The following HEATR5A variants were observed in gnomAD, a reference collection of about 807,000 sequenced individuals.
HEATR5A encodes the protein HEAT repeat containing 5A, also known as HEAT repeat-containing protein 5A.
Under a neutral mutation model 218.8 loss-of-function variants are expected in HEATR5A, and 178 were observed. The ratio of observed to expected loss-of-function variants is 0.81; its 90% confidence interval spans 0.72 to 0.92. The LOEUF is 0.92. Among genes scored for constraint, HEATR5A ranks in the 40% least tolerant of loss-of-function variants. The pLI, the probability that HEATR5A is intolerant of heterozygous loss-of-function variation, is 0.00. For synonymous variants in HEATR5A, 864 were observed against 871.6 expected (o/e 0.99, Z 0.15); for missense variants, 2,420 against 2,418.9 (o/e 1.00, Z -0.01).
intron 21 of HEATR5A, chr14:31,340,318 C>T (rs1900799656): frequency 2.4e-6 from 1 of 422,828 alleles, no homozygotes; most frequent in Non-Finnish European, 4.3e-6. Context: ...GCTACACATA[C>T]TGGACTTAGC....
Position 31,367,460 on chromosome 14 carries a change from C to T in HEATR5A, c.1962-3162G>A, listed in dbSNP as rs564194890. On this transcript the variant is annotated intron_variant, in intron 13 of 35. Coordinates refer to ENST00000543095, the MANE Select transcript of HEATR5A (RefSeq NM_015473.4). ...TGTTACCCAGGCTGGAGTGCAGTGG[C>T]GTGATCTTGACTCACTATGACCTCT... Among the ~76,000 whole-genome samples the T allele has an allele frequency of 1.5e-4, 22 of 151,010 alleles. No individual in the cohort carries two copies. The South Asian group carries it at 2.7e-3, about 19-fold the overall frequency.
intron 10 of HEATR5A, among the ~76,000 whole-genome samples, chr14:31,383,213 A>G (rs1463846728): frequency 1.3e-5 from 2 of 152,320 alleles, no homozygotes; most frequent in East Asian, 3.9e-4. Flanking sequence ...CTTTCTACTT[A>G]TATTGAAAAC....
rs532449287 is a variant in HEATR5A at position 31,339,702 on chromosome 14, T to C, written c.3229-2088A>G. Among the ~76,000 whole-genome samples the C allele has an allele frequency of 5.9e-5, 9 of 152,188 alleles. No individual in the cohort carries two copies. The South Asian group carries it at 1.7e-3, about 28-fold the overall frequency. Reference sequence around the variant, plus strand: ...GCTGTATTATGAACCCAAAAGTGGATAGAAAGGAATGCCATTCATAAAAAA... The same window carrying C: ...GCTGTATTATGAACCCAAAAGTGGACAGAAAGGAATGCCATTCATAAAAAA... On this transcript the variant is annotated intron_variant, in intron 21 of 35. Coordinates refer to ENST00000543095, the MANE Select transcript of HEATR5A (RefSeq NM_015473.4).
rs1900925728 is a variant in HEATR5A at position 31,343,888 on chromosome 14, A to G, written c.3228+8T>C. 1.9e-6 allele frequency: 3 copies of G among 1,574,696 alleles called. No homozygotes were observed. Among genetic ancestry groups the G allele is most frequent in the Non-Finnish European group, 2.6e-6 (3 of 1,165,010 alleles). ...AAACTAAGAGCTCGTTTACAATTCTATACTCACACAGAGGCAGCTAACCAG... is the reference window on the plus strand; with the variant it reads ...AAACTAAGAGCTCGTTTACAATTCTGTACTCACACAGAGGCAGCTAACCAG... On this transcript the variant is annotated splice_region_variant and intron_variant, in intron 21 of 35. Coordinates refer to ENST00000543095, the MANE Select transcript of HEATR5A (RefSeq NM_015473.4).
At position 31,302,224 on chromosome 14, in the gene HEATR5A, T is replaced by A. The variant is rs1370573782; in HGVS notation, c.5464+71A>T. On this transcript the variant is annotated intron_variant, in intron 33 of 35. Coordinates refer to ENST00000543095, the MANE Select transcript of HEATR5A (RefSeq NM_015473.4). ...TGGCCAAATATGATCAAGTAAAATATCTTATCCTCAAAAAACTCTTCTTCT... is the reference window on the plus strand; with the variant it reads ...TGGCCAAATATGATCAAGTAAAATAACTTATCCTCAAAAAACTCTTCTTCT... 3.7e-6 allele frequency: 4 copies of A among 1,087,740 alleles called. No individual in the cohort carries two copies. The East Asian group carries it at 1.0e-4, about 28-fold the overall frequency. 67.4% of individuals were successfully genotyped at this position (1,087,740 alleles called of 1,614,324 possible). A position where few individuals can be genotyped will look rare whatever the true frequency, so the allele number is the denominator to read the frequency against.
At chr14:31,398,809 G>A in intron 3 of HEATR5A, 28 bp from the exon 4 acceptor site, 2 of 1,269,894 alleles carry the variant, frequency 1.6e-6, no homozygotes, top group Non-Finnish European at 2.2e-6. Context: ...TTAGAAATTA[G>A]TCACAGCTGA....
chr14:31,329,848 G>A (rs1269212423), intron 22 of HEATR5A, among the ~76,000 whole-genome samples: 2 of 152,182 alleles, frequency 1.3e-5, no homozygotes, highest in Non-Finnish European at 2.9e-5. Context: ...GAGTAGCTGG[G>A]ATTACAGGCA....
At chr14:31,297,296 A>C (rs1046803092) in intron 33 of HEATR5A, 6 of 147,424 alleles carry the variant, frequency 4.1e-5, no homozygotes, top group African/African-American at 1.6e-4. Flanking sequence ...AATAAAAACA[A>C]AACAAAACAA....
chr14:31,368,301 G>T (rs751123576), intron 13 of HEATR5A, among the ~76,000 whole-genome samples: 2 of 152,068 alleles, frequency 1.3e-5, no homozygotes, highest in Non-Finnish European at 2.9e-5. Flanking sequence ...CAATCTGCTG[G>T]TGTCTTGATC....
chr14:31,317,287 G>A (rs1024871870), intron 26 of HEATR5A, among the ~76,000 whole-genome samples: 4 of 145,546 alleles, frequency 2.7e-5, no homozygotes, highest in Admixed American at 1.4e-4. Context: ...AGGTCATCCC[G>A]GGCTAGATTT....
chr14:31,316,078 T>G, intron 26 of HEATR5A, 129 bp from the exon 27 acceptor site: 1 of 649,560 alleles, frequency 1.5e-6, no homozygotes, highest in Non-Finnish European at 2.5e-6. Flanking sequence ...AGCCCAGGAG[T>G]TTGAGACAAG....
In HEATR5A at chr14:31,305,160, C is replaced by T; in HGVS notation, c.4984G>A (p.Glu1662Lys). The T allele has an allele frequency of 6.2e-7, 1 of 1,613,708 alleles. No individual in the cohort carries two copies. Among genetic ancestry groups the T allele is most frequent in the Non-Finnish European group, 8.5e-7 (1 of 1,179,836 alleles). ...RSAEVDDGAA[E>K]KETLPEFGEG... Reference sequence around the variant, plus strand: ...CCAAACTCTGGCAGAGTTTCCTTTTCAGCAGCCCCATCATCAACTAAAAGA... The same window carrying T: ...CCAAACTCTGGCAGAGTTTCCTTTTTAGCAGCCCCATCATCAACTAAAAGA... The change falls in exon 32 of 36, where the codon GAA (glutamate) becomes AAA (lysine). Residue 1662 changes from glutamate to lysine, a missense_variant. By Grantham distance (56) the Glu-to-Lys change is moderately conservative. Coordinates refer to ENST00000543095, the MANE Select transcript of HEATR5A (RefSeq NM_015473.4).
chr14:31,352,408 T>C (rs1901264344), intron 16 of HEATR5A, among the ~76,000 whole-genome samples: 1 of 152,206 alleles, frequency 6.6e-6, no homozygotes, highest in Admixed American at 6.5e-5. Context: ...AAAATATGGA[T>C]ATACTTTCAT....
At chr14:31,356,770 A>G (rs947690279) in intron 16 of HEATR5A, among the ~76,000 whole-genome samples, 9 of 152,092 alleles carry the variant, frequency 5.9e-5, no homozygotes, top group Non-Finnish European at 5.9e-5. Context: ...TGAAACTGCA[A>G]TTGGGCAATA....
At chr14:31,376,177 T>G (rs1902220242) in intron 11 of HEATR5A, among the ~76,000 whole-genome samples, 2 of 152,308 alleles carry the variant, frequency 1.3e-5, no homozygotes, top group South Asian at 2.1e-4. Context: ...TAATAGTATT[T>G]TATTCAAAGG....
intron 11 of HEATR5A, among the ~76,000 whole-genome samples, chr14:31,379,311 T>G (rs2029889953): frequency 6.7e-6 from 1 of 148,848 alleles, no homozygotes. Context: ...AGTGCAGTGG[T>G]GCAATCTCAC....
intron 12 of HEATR5A, 116 bp downstream of exon 12, chr14:31,374,699 AT>A: frequency 1.1e-6 from 1 of 908,510 alleles, no homozygotes; most frequent in East Asian, 2.7e-5. Context: ...ACAAAAAAAA[AT>A]CATTAGTGGC....
At chr14:31,401,464 A>G (rs908869354) in intron 2 of HEATR5A, among the ~76,000 whole-genome samples, 5 of 152,144 alleles carry the variant, frequency 3.3e-5, no homozygotes, top group African/African-American at 1.2e-4. Context: ...GCATTAATTA[A>G]ACCTTTCTTC....
Position 31,342,127 on chromosome 14 carries a change from C to T in HEATR5A, c.3228+1769G>A, listed in dbSNP as rs376120260. Among the ~76,000 whole-genome samples the T allele has an allele frequency of 1.2e-4, 18 of 152,258 alleles. 1 individual carries two copies. In the East Asian group the frequency reaches 3.3e-3, roughly 28 times the overall value. ...TTGGGCTAGGCATGGTGGCTCACACCTCTAATCCCAGCACTTTGTGGGGCT... is the reference window on the plus strand; with the variant it reads ...TTGGGCTAGGCATGGTGGCTCACACTTCTAATCCCAGCACTTTGTGGGGCT... On this transcript the variant is annotated intron_variant, in intron 21 of 35. Transcript: ENST00000543095.
Sources: gnomAD v4.1 joint callset for allele counts (sites outside exome capture counted in the v4.1 genomes callset) on GRCh38, gnomAD v4.1.1 for gene constraint, MANE v1.5 for transcripts, NCBI Gene and HGNC (gene_info 2026-07-23, HGNC 2026-07-21) for gene names.